ARSB: variants seen among roughly 807,000 people sequenced by gnomAD.
ARSB encodes the protein arylsulfatase B.
ARSB carries 41 observed loss-of-function variants against 50.9 expected under a neutral mutation model. The ratio of observed to expected loss-of-function variants is 0.81; its 90% CI spans 0.63 to 1.04. ARSB has a LOEUF of 1.04. Among genes scored for constraint, ARSB ranks in the 50% least tolerant of loss-of-function variants. The probability of loss-of-function intolerance (pLI) is 0.00; values close to 1 mark genes in which losing one functional copy is unlikely to be tolerated. For missense variants in ARSB, 672 were observed against 693.3 expected, an observed-to-expected ratio of 0.97 and a Z score of 0.35; for synonymous variants, 269 against 284.8, an observed-to-expected ratio of 0.94 and a Z score of 0.56.
intron 3 of ARSB, among the ~76,000 whole-genome samples, chr5:78,959,182 TC>T: frequency 6.6e-6 from 1 of 152,188 alleles, no homozygotes; most frequent in Admixed American, 6.5e-5. Flanking sequence ...AAGGCGCTTT[TC>T]CCCCTTTGCT....
chr5:78,799,360 C>T (rs1192338428), intron 6 of ARSB, among the ~76,000 whole-genome samples: 2 of 152,206 alleles, frequency 1.3e-5, no homozygotes, highest in East Asian at 3.9e-4. Flanking sequence ...TGTTAACTTT[C>T]ACATCCATAA....
chr5:78,968,974 A>G (rs375594962), intron 2 of ARSB, 32 bp downstream of exon 2: 38 of 1,611,148 alleles, frequency 2.4e-5, no homozygotes, highest in Non-Finnish European at 3.2e-5. Flanking sequence ...AGTTAGTCTA[A>G]GTTGTTAAAG....
Position 78,780,033 on chromosome 5 carries a change from C to A in ARSB, c.*364G>T. ...ATGTGATTCACTCCAATAAAACTGG[C>A]TATTGGCAGAGGGGAATCGAACGTC... On this transcript the variant is annotated 3_prime_UTR_variant, in exon 8 of 8. Transcript: ENST00000264914. 3.3e-6 allele frequency: 1 copy of A among 300,762 alleles called. No homozygotes were observed. The highest frequency in any genetic ancestry group is 3.5e-5 in the South Asian group (1 of 28,440). 18.6% of individuals were successfully genotyped at this position (300,762 alleles called of 1,614,324 possible).
chr5:78,875,437 A>T (rs1747436957), intron 5 of ARSB, among the ~76,000 whole-genome samples: 1 of 152,052 alleles, frequency 6.6e-6, no homozygotes, highest in Non-Finnish European at 1.5e-5. Flanking sequence ...TTAATAATAT[A>T]CAGAATTCTT....
At chr5:78,950,988 G>A (rs188267335) in intron 4 of ARSB, among the ~76,000 whole-genome samples, 37 of 152,296 alleles carry the variant, frequency 2.4e-4, no homozygotes, top group South Asian at 6.2e-4. Flanking sequence ...AAGAAAATGA[G>A]ATGCAAAAAG....
intron 1 of ARSB, among the ~76,000 whole-genome samples, chr5:78,969,597 A>AT (rs1458326751): frequency 6.6e-6 from 1 of 152,054 alleles, no homozygotes; most frequent in Non-Finnish European, 1.5e-5. Flanking sequence ...AAACTTGGTG[A>AT]TTTTTTTACA....
chr5:78,940,638 G>A (rs903186102), intron 4 of ARSB, among the ~76,000 whole-genome samples: 95 of 152,240 alleles, frequency 6.2e-4, no homozygotes, highest in African/African-American at 2.2e-3. Context: ...TGTTCCATTG[G>A]TCTATATCTC....
chr5:78,814,320 T>C (rs1743915387), intron 6 of ARSB, among the ~76,000 whole-genome samples: 1 of 151,018 alleles, frequency 6.6e-6, no homozygotes, highest in Non-Finnish European at 1.5e-5. Context: ...GTGATTAATC[T>C]CTTTTTACAT....
intron 5 of ARSB, among the ~76,000 whole-genome samples, chr5:78,852,973 A>G (rs1003119449): frequency 1.3e-5 from 2 of 152,082 alleles, no homozygotes; most frequent in African/African-American, 2.4e-5. Context: ...TTTTTTTCAA[A>G]GTTTTTAACT....
chr5:78,957,785 C>G (rs1751798620), intron 3 of ARSB, among the ~76,000 whole-genome samples: 1 of 152,010 alleles, frequency 6.6e-6, no homozygotes, highest in Non-Finnish European at 1.5e-5. Flanking sequence ...GCTGCGATGT[C>G]TGGAGGGAAG....
intron 4 of ARSB, among the ~76,000 whole-genome samples, chr5:78,902,463 A>G (rs1360161413): frequency 6.6e-6 from 1 of 152,256 alleles, no homozygotes; most frequent in African/African-American, 2.4e-5. Context: ...TGGTCATAGC[A>G]GCATTATTCA....
chr5:78,984,850 C>T (rs2112580057), intron 1 of ARSB, 87 bp downstream of exon 1: 2 of 1,112,126 alleles, frequency 1.8e-6, no homozygotes, highest in Admixed American at 4.5e-5. Context: ...CCTGCCAGCG[C>T]CCGCGGCCTC....
intron 5 of ARSB, among the ~76,000 whole-genome samples, chr5:78,862,123 A>C (rs1472915956): frequency 6.6e-6 from 1 of 152,202 alleles, no homozygotes; most frequent in Non-Finnish European, 1.5e-5. Context: ...AGAGGACACA[A>C]ACAAATGGGA....
chr5:78,831,928 A>G (rs1744712403), intron 6 of ARSB, among the ~76,000 whole-genome samples: 1 of 152,206 alleles, frequency 6.6e-6, no homozygotes, highest in Non-Finnish European at 1.5e-5. Context: ...TGAAATTACT[A>G]TTGTTCTCAT....
At chr5:78,816,261 T>C (rs1743987361) in intron 6 of ARSB, 2 of 1,500,386 alleles carry the variant, frequency 1.3e-6, no homozygotes, top group African/African-American at 1.4e-5. Flanking sequence ...TCCTTCATTA[T>C]TCTAGTGCCT....
intron 3 of ARSB, among the ~76,000 whole-genome samples, chr5:78,963,545 A>G (rs540217154): frequency 9.8e-5 from 15 of 152,326 alleles, no homozygotes; most frequent in Admixed American, 2.6e-4. Flanking sequence ...TTTTGAGCCC[A>G]GTGTCTGACA....
intron 1 of ARSB, among the ~76,000 whole-genome samples, chr5:78,982,685 A>T (rs1752960578): frequency 6.6e-6 from 1 of 152,352 alleles, no homozygotes; most frequent in African/African-American, 2.4e-5. Context: ...AACACTTGTA[A>T]GTGCTCAGAA....
intron 4 of ARSB, among the ~76,000 whole-genome samples, chr5:78,941,860 C>T (rs1425141802): frequency 1.3e-5 from 2 of 152,270 alleles, no homozygotes; most frequent in East Asian, 3.9e-4. Flanking sequence ...AGGAATGGTA[C>T]CAGTTCCTCC....
chr5:78,872,441 A>G (rs1747251326), intron 5 of ARSB, among the ~76,000 whole-genome samples: 1 of 134,558 alleles, frequency 7.4e-6, no homozygotes, highest in Non-Finnish European at 1.6e-5. Flanking sequence ...GATAGACTGG[A>G]TTAAGAAAAT....
Sources: gnomAD v4.1 joint callset for allele counts (sites outside exome capture counted in the v4.1 genomes callset) on GRCh38, gnomAD v4.1.1 for gene constraint, MANE v1.5 for transcripts, NCBI Gene and HGNC (gene_info 2026-07-23, HGNC 2026-07-21) for gene names.